Variants in CCDC62 observed in about 807,000 individuals in gnomAD.
CCDC62 encodes coiled-coil domain containing 62.
A neutral mutation model predicts 80.8 loss-of-function variants in CCDC62; 72 were observed. The ratio of observed to expected loss-of-function variants is 0.89; its 90% confidence interval spans 0.74 to 1.08. CCDC62 has a LOEUF of 1.08. Ranked by LOEUF, CCDC62 falls within the 50% of genes least tolerant of loss-of-function variation. The pLI, the probability that CCDC62 is intolerant of heterozygous loss-of-function variation, is 0.00. For synonymous variants in CCDC62, 286 were observed against 296.5 expected (o/e 0.96, Z 0.36); for missense variants, 704 against 809.4 (o/e 0.87, Z 1.58).
rs75175797 is a variant in CCDC62 at position 122,801,740 on chromosome 12, G to A, written c.1594G>A (p.Val532Met). The A allele has an allele frequency of 0.016, 25,046 of 1,614,170 alleles. 348 individuals carry two copies. Among genetic ancestry groups the A allele is most frequent in the Non-Finnish European group, 0.016 (18,576 of 1,180,022 alleles). The change falls in exon 9 of 13, where the codon GTG becomes ATG. Residue 532 changes from valine (V) to methionine (M), a missense_variant. By Grantham distance (21) the Val-to-Met change is conservative (BLOSUM62 1). Transcript: ENST00000253079. ...IIEAPGHMSD[V>M]EWMSIFKPSK... ...TGAAGCCCCAGGCCACATGTCTGAC[G>A]TGGAGTGGATGAGTATTTTCAAGCC...
chr12:122,816,119 C>T (rs1427913669), intron 11 of CCDC62, among the ~76,000 whole-genome samples: 1 of 152,150 alleles, frequency 6.6e-6, no homozygotes, highest in East Asian at 1.9e-4. Flanking sequence ...TACCTTAAAG[C>T]AGAACAGGAT....
At chr12:122,786,644 T>G (rs2030250744) in intron 4 of CCDC62, among the ~76,000 whole-genome samples, 2 of 151,938 alleles carry the variant, frequency 1.3e-5, no homozygotes, top group African/African-American at 2.4e-5. Flanking sequence ...TGTTTTCAAG[T>G]GATTGGGGCA....
chr12:122,805,540 A>T lies in CCDC62; in HGVS notation c.1707-611A>T, dbSNP rs11060095. ...TTTTTTTTTTTTTTTTTTGAGGCGG[A>T]GTCTTGCTCTGTCGCCCAGGCTGGA... On this transcript the variant is annotated intron_variant, in intron 9 of 12. Coordinates refer to ENST00000253079, the MANE Select transcript of CCDC62 (RefSeq NM_201435.5). Among the ~76,000 whole-genome samples, 5 of 72,974 alleles carry T rather than the reference A, an allele frequency of 6.9e-5. No homozygotes were observed. In the Admixed American group the frequency reaches 8.9e-4, roughly 13 times the overall value. 47.9% of individuals were successfully genotyped at this position (72,974 alleles called of 152,430 possible). A position where few individuals can be genotyped will look rare whatever the true frequency, so the allele number is the denominator to read the frequency against.
At chr12:122,780,475 G>T (rs1031007862) in intron 2 of CCDC62, among the ~76,000 whole-genome samples, 5 of 150,794 alleles carry the variant, frequency 3.3e-5, no homozygotes, top group Non-Finnish European at 7.4e-5. Context: ...TTAGCCAGGC[G>T]TGGTGGCAGG....
chr12:122,805,600 T>C (rs1442183588), intron 9 of CCDC62, among the ~76,000 whole-genome samples: 3 of 144,814 alleles, frequency 2.1e-5, no homozygotes, highest in African/African-American at 7.7e-5. Flanking sequence ...CTGCAAGCTC[T>C]GCCTCCCGGG....
Position 122,777,483 on chromosome 12 carries a change from A to G in CCDC62, c.37-8A>G, listed in dbSNP as rs1040110744. The G allele has an allele frequency of 6.3e-7, 1 of 1,594,960 alleles. No individual in the cohort carries two copies. Among genetic ancestry groups the G allele is most frequent in the Non-Finnish European group, 8.6e-7 (1 of 1,169,406 alleles). The stretch of plus-strand genomic sequence containing the variant: ...CTATTTTGATGTGAAACCGCTTTCT[A>G]TGTTTAGAACATCGGGTCAGAAGTT... On this transcript the variant is annotated splice_polypyrimidine_tract_variant and splice_region_variant and intron_variant, in intron 1 of 12. Transcript: ENST00000253079.
intron 11 of CCDC62, among the ~76,000 whole-genome samples, chr12:122,816,186 G>A (rs2032156352): frequency 6.6e-6 from 1 of 152,140 alleles, no homozygotes; most frequent in South Asian, 2.1e-4. Context: ...TTTTCAAAGT[G>A]GAAACCGTGA....
At chr12:122,797,227 G>C in intron 6 of CCDC62, 80 bp from the exon 7 acceptor site, 1 of 723,762 alleles carries the variant, frequency 1.4e-6, no homozygotes, top group South Asian at 1.5e-5. Flanking sequence ...AATGTTAGCT[G>C]AGCATTAAAT....
intron 7 of CCDC62, among the ~76,000 whole-genome samples, chr12:122,797,833 C>G (rs2031054127): frequency 6.6e-6 from 1 of 152,196 alleles, no homozygotes; most frequent in Admixed American, 6.5e-5. Context: ...AACCAGCGCA[C>G]CCAGCCTGTA....
intron 8 of CCDC62, among the ~76,000 whole-genome samples, chr12:122,799,559 G>A (rs1233293971): frequency 6.6e-6 from 1 of 152,030 alleles, no homozygotes; most frequent in East Asian, 1.9e-4. Flanking sequence ...AATTGGTTTT[G>A]GTAAAATTAA....
intron 11 of CCDC62, among the ~76,000 whole-genome samples, chr12:122,814,847 A>C (rs1447257246): frequency 2.7e-5 from 4 of 147,702 alleles, no homozygotes; most frequent in Non-Finnish European, 4.5e-5. Flanking sequence ...TTGAGACAGC[A>C]TCTTCCTCTG....
Position 122,813,359 on chromosome 12 carries a change from C to A in CCDC62, c.1941C>A (p.Asp647Glu), listed in dbSNP as rs751990186. 1.2e-6 allele frequency: 2 copies of A among 1,613,914 alleles called. No individual in the cohort carries two copies. The highest frequency in any genetic ancestry group is 8.5e-7 in the Non-Finnish European group (1 of 1,179,988). The change falls in exon 11 of 13, where the codon GAC becomes GAA. Residue 647 changes from aspartate (D) to glutamate (E), a missense_variant. Coordinates refer to ENST00000253079, the MANE Select transcript of CCDC62 (RefSeq NM_201435.5). The stretch of plus-strand genomic sequence containing the variant: ...CGGAATCTCGTCAGATGGTGACGGA[C>A]CTGGAGCTGAGCACACTGCTGCCCA... Reference protein sequence around the residue: ...LLAESRQMVTDLELSTLLPIS... With the variant: ...LLAESRQMVTELELSTLLPIS...
rs748464736 is a variant in CCDC62, at chr12:122,798,129, T to C, written c.906T>C (p.Asn302=). ...GTGATCTGCAGTTTCTTAATTTCAA[T>C]GTGGAAAATTCTCAGGAATTAATAC... ...QQSDLQFLNF[N]VENSQELIQM... Residue 302 remains asparagine, a synonymous_variant, in exon 8 of 13, where the codon AAT becomes AAC. Transcript: ENST00000253079. The C allele has an allele frequency of 1.0e-5, 16 of 1,592,880 alleles. No homozygotes were observed. In the South Asian group the frequency reaches 1.5e-4, roughly 15 times the overall value.
intron 11 of CCDC62, among the ~76,000 whole-genome samples, chr12:122,822,513 T>C (rs1424148867): frequency 2.7e-5 from 4 of 150,586 alleles, no homozygotes; most frequent in Non-Finnish European, 5.9e-5. Flanking sequence ...CCTTTCCCCA[T>C]CCACTCCCTC....
chr12:122,806,721 C>G (rs563389362), intron 10 of CCDC62, among the ~76,000 whole-genome samples: 16 of 151,528 alleles, frequency 1.1e-4, no homozygotes, highest in South Asian at 8.3e-4. Context: ...CTCAAGTGAT[C>G]TTCTTGCCTT....
chr12:122,792,794 A>G (rs1446222266), intron 6 of CCDC62, among the ~76,000 whole-genome samples: 1 of 152,198 alleles, frequency 6.6e-6, no homozygotes. Flanking sequence ...CTGGGATTAC[A>G]GGCATGAGCC....
Position 122,806,263 on chromosome 12 carries a change from A to G in CCDC62, c.1819A>G (p.Ile607Val). 1 of 1,612,628 alleles carries G rather than the reference A, an allele frequency of 6.2e-7. No homozygotes were observed. The highest frequency in any genetic ancestry group is 8.5e-7 in the Non-Finnish European group (1 of 1,179,154). The change falls in exon 10 of 13, where the codon ATC becomes GTC. Residue 607 changes from isoleucine to valine, a missense_variant. Transcript: ENST00000253079. Reference protein sequence around the residue: ...NKKNSPTSLLIYKDAPAFNEK... With the variant: ...NKKNSPTSLLVYKDAPAFNEK... ...AAAGAACTCACCTACGAGTTTGTTAATCTACAAAGATGCACCAGCATTCAA... is the reference window on the plus strand; with the variant it reads ...AAAGAACTCACCTACGAGTTTGTTAGTCTACAAAGATGCACCAGCATTCAA...
At chr12:122,788,258 C>G (rs1462343983) in intron 4 of CCDC62, among the ~76,000 whole-genome samples, 1 of 152,058 alleles carries the variant, frequency 6.6e-6, no homozygotes, top group Admixed American at 6.6e-5. Flanking sequence ...TTAAGAGATT[C>G]TAATTTGGGA....
chr12:122,798,667 G>C (rs1404482877), intron 8 of CCDC62, among the ~76,000 whole-genome samples: 1 of 152,140 alleles, frequency 6.6e-6, no homozygotes, highest in Non-Finnish European at 1.5e-5. Flanking sequence ...TGTAATCCCA[G>C]CTACTTGGGA....
Sources: allele counts gnomAD v4.1 joint callset (sites outside exome capture counted in the v4.1 genomes callset), GRCh38; gene constraint gnomAD v4.1.1; transcripts MANE v1.5; gene names NCBI Gene and HGNC (gene_info 2026-07-23, HGNC 2026-07-21).